The following RNF180 variants were observed in gnomAD, a reference collection of about 807,000 sequenced individuals.
RNF180 encodes ring finger protein 180, also known as E3 ubiquitin-protein ligase RNF180.
A neutral mutation model predicts 59.2 loss-of-function variants in RNF180; 38 were observed. The observed-to-expected ratio is 0.64, with a 90% confidence interval of 0.50 to 0.84. The LOEUF (loss-of-function observed/expected upper bound fraction) is 0.84. Among genes scored for constraint, RNF180 ranks in the 40% least tolerant of loss-of-function variants. The pLI, the probability that RNF180 is intolerant of heterozygous loss-of-function variation, is 0.00. For synonymous variants in RNF180, 262 were observed against 240.3 expected (o/e 1.09, Z -0.84); for missense variants, 705 against 700.9 (o/e 1.01, Z -0.07).
At chr5:64,226,509 G>C (rs904269065) in intron 5 of RNF180, among the ~76,000 whole-genome samples, 3 of 152,088 alleles carry the variant, frequency 2.0e-5, no homozygotes, top group Non-Finnish European at 2.9e-5. Context: ...CAAGTACCCA[G>C]GGACACAAAC....
At chr5:64,362,699 C>A (rs1746305477) in intron 7 of RNF180, among the ~76,000 whole-genome samples, 1 of 151,878 alleles carries the variant, frequency 6.6e-6, no homozygotes, top group Non-Finnish European at 1.5e-5. Context: ...AATTTACACT[C>A]CCATCAACAG....
intron 1 of RNF180, among the ~76,000 whole-genome samples, chr5:64,166,990 A>G (rs1387051777): frequency 1.3e-5 from 2 of 152,224 alleles, no homozygotes; most frequent in Non-Finnish European, 2.9e-5. Context: ...TAGTACCCCT[A>G]AAAGTGATAC....
At chr5:64,351,470 C>G (rs1184657968) in intron 7 of RNF180, among the ~76,000 whole-genome samples, 1 of 152,090 alleles carries the variant, frequency 6.6e-6, no homozygotes, top group African/African-American at 2.4e-5. Context: ...GAGGGCATCC[C>G]TGTCTTGTGC....
intron 6 of RNF180, among the ~76,000 whole-genome samples, chr5:64,326,053 GGT>G (rs1257607218): frequency 6.6e-6 from 1 of 152,140 alleles, no homozygotes. Flanking sequence ...CTAAATATTA[GGT>G]GGGAAATTTT....
chr5:64,181,575 G>T (rs2111947141), intron 1 of RNF180, among the ~76,000 whole-genome samples: 1 of 152,288 alleles, frequency 6.6e-6, no homozygotes, highest in South Asian at 2.1e-4. Context: ...AAGGATAGGT[G>T]AACAGGACTG....
chr5:64,319,084 C>G (rs1226653444), intron 5 of RNF180, among the ~76,000 whole-genome samples: 1 of 151,196 alleles, frequency 6.6e-6, no homozygotes, highest in East Asian at 1.9e-4. Flanking sequence ...AGGCAAAACT[C>G]TGTGTGTGTG....
intron 7 of RNF180, among the ~76,000 whole-genome samples, chr5:64,342,397 A>G (rs1745389028): frequency 6.6e-6 from 1 of 152,202 alleles, no homozygotes; most frequent in African/African-American, 2.4e-5. Context: ...AGAAATCAGC[A>G]GAAGTTTTGA....
At chr5:64,303,617 A>G (rs1021074839) in intron 5 of RNF180, among the ~76,000 whole-genome samples, 1 of 151,644 alleles carries the variant, frequency 6.6e-6, no homozygotes, top group Admixed American at 6.6e-5. Context: ...AGTTCCTATC[A>G]TTAATTCTTT....
chr5:64,225,132 AGAG>A (rs1741600260), intron 5 of RNF180, among the ~76,000 whole-genome samples: 1 of 152,274 alleles, frequency 6.6e-6, no homozygotes, highest in Non-Finnish European at 1.5e-5. Context: ...AGCTAGTCTC[AGAG>A]TAGTAACACA....
chr5:64,369,078 A>T (rs994463717), intron 7 of RNF180, among the ~76,000 whole-genome samples: 17 of 152,230 alleles, frequency 1.1e-4, no homozygotes, highest in Non-Finnish European at 2.4e-4. Flanking sequence ...CAACAATGAT[A>T]GATTGGATTA....
At chr5:64,188,235 C>T (rs1310712548) in intron 1 of RNF180, among the ~76,000 whole-genome samples, 1 of 152,098 alleles carries the variant, frequency 6.6e-6, no homozygotes, top group Non-Finnish European at 1.5e-5. Flanking sequence ...CCCTGTGTAA[C>T]AATGAGATTT....
intron 5 of RNF180, among the ~76,000 whole-genome samples, chr5:64,291,319 A>G (rs1007452782): frequency 2.0e-5 from 3 of 151,470 alleles, no homozygotes; most frequent in African/African-American, 7.3e-5. Context: ...TGATCTTATC[A>G]AGGAGTGTTT....
chr5:64,357,903 A>G (rs948369747), intron 7 of RNF180, among the ~76,000 whole-genome samples: 1 of 151,872 alleles, frequency 6.6e-6, no homozygotes, highest in Non-Finnish European at 1.5e-5. Flanking sequence ...GACAAGAGTA[A>G]CTTTGTAATT....
intron 7 of RNF180, among the ~76,000 whole-genome samples, chr5:64,348,592 T>A (rs527384978): frequency 6.6e-6 from 1 of 152,196 alleles, no homozygotes; most frequent in African/African-American, 2.4e-5. Context: ...TAAGACATAG[T>A]TGAAGCAATA....
In RNF180 at chr5:64,219,187, G is replaced by C. The variant is rs73097053; in HGVS notation, c.1227+1791G>C. On this transcript the variant is annotated intron_variant, in intron 5 of 7. Transcript: ENST00000389100. ...GTTTGCTGATAGTATTCTCATGAAT[G>C]GATGTTGAATTCTGTAGAATGCTTT... Among the ~76,000 whole-genome samples, 752 of 151,070 alleles carry C rather than the reference G, an allele frequency of 5.0e-3. 10 individuals carry two copies. Among genetic ancestry groups the C allele is most frequent in the African/African-American group, 0.017 (704 of 40,800 alleles).
intron 5 of RNF180, among the ~76,000 whole-genome samples, chr5:64,276,453 A>G (rs1741727342): frequency 6.6e-6 from 1 of 151,928 alleles, no homozygotes; most frequent in Non-Finnish European, 1.5e-5. Flanking sequence ...AAGAGGCCCA[A>G]GAGATTTAGT....
intron 5 of RNF180, among the ~76,000 whole-genome samples, chr5:64,320,192 A>C (rs1186111168): frequency 2.0e-5 from 3 of 152,200 alleles, no homozygotes; most frequent in Admixed American, 2.0e-4. Flanking sequence ...GTTACTAGAT[A>C]ACCTGCTAAA....
At chr5:64,307,622 TCAAAA>T (rs1456618829) in intron 5 of RNF180, among the ~76,000 whole-genome samples, 1 of 151,640 alleles carries the variant, frequency 6.6e-6, no homozygotes, top group East Asian at 1.9e-4. Context: ...ATATCATAAG[TCAAAA>T]ATGTATTTAA....
chr5:64,191,549 A>C (rs181184283), intron 1 of RNF180, among the ~76,000 whole-genome samples: 1 of 152,354 alleles, frequency 6.6e-6, no homozygotes, highest in Admixed American at 6.5e-5. Context: ...ATTCTGATAG[A>C]AAATATAGAC....
Sources: allele counts gnomAD v4.1 joint callset (sites outside exome capture counted in the v4.1 genomes callset), GRCh38; gene constraint gnomAD v4.1.1; transcripts MANE v1.5; gene names NCBI Gene and HGNC (gene_info 2026-07-23, HGNC 2026-07-21).